The following DAB1 variants were observed in gnomAD, a reference collection of about 807,000 sequenced individuals.
DAB1 encodes DAB adaptor protein 1.
In DAB1, 15 loss-of-function variants were observed where a neutral mutation model predicts 64.6. That is an observed-to-expected ratio of 0.23 (90% confidence interval 0.16 to 0.36). The LOEUF is 0.36. Ranked by LOEUF, DAB1 falls within the 10% of genes least tolerant of loss-of-function variation. The probability of loss-of-function intolerance (pLI) is 1.00; values close to 1 mark genes in which losing one functional copy is unlikely to be tolerated. For missense variants in DAB1, 596 were observed against 706.7 expected (o/e 0.84, Z 1.78); for synonymous variants, 235 against 251.9 (o/e 0.93, Z 0.64).
Position 57,551,155 on chromosome 1 carries a change from C to T in DAB1, n.625+98437G>A, listed in dbSNP as rs563908157. On this transcript the variant is annotated intron_variant and non_coding_transcript_variant, in intron 7 of 20. Transcript: ENST00000485760. ...TTCGTCTTGACAATAGCACGTTCGT[C>T]TTGCACGCCACTAACATTATCTCCC... Among the ~76,000 whole-genome samples, 4 of 152,300 alleles carry T rather than the reference C, an allele frequency of 2.6e-5. No homozygotes were observed. The South Asian group carries it at 6.2e-4, about 24-fold the overall frequency.
intron 6 of DAB1, among the ~76,000 whole-genome samples, chr1:57,785,823 G>A (rs1484365844): frequency 6.6e-6 from 1 of 152,180 alleles, no homozygotes; most frequent in Non-Finnish European, 1.5e-5. Flanking sequence ...ACATAAACTT[G>A]ATTGATGAAG....
At chr1:58,534,406 T>C (rs1012709350) in intron 1 of DAB1, 3 of 669,356 alleles carry the variant, frequency 4.5e-6, no homozygotes, top group Non-Finnish European at 7.7e-6. Flanking sequence ...GAAAGTTATA[T>C]GGCTACTTAT....
intron 6 of DAB1, among the ~76,000 whole-genome samples, chr1:57,742,219 T>C (rs935154221): frequency 6.6e-6 from 1 of 152,200 alleles, no homozygotes; most frequent in African/African-American, 2.4e-5. Flanking sequence ...GCCTTGGAGA[T>C]GTGTCTTCTC....
intron 2 of DAB1, among the ~76,000 whole-genome samples, chr1:57,290,506 A>G (rs1221578418): frequency 6.6e-6 from 1 of 152,156 alleles, no homozygotes; most frequent in Non-Finnish European, 1.5e-5. Context: ...GCGATGATGA[A>G]CTACAGAATA....
intron 5 of DAB1, among the ~76,000 whole-genome samples, chr1:57,984,579 T>C (rs950232939): frequency 6.6e-5 from 10 of 152,232 alleles, no homozygotes; most frequent in Non-Finnish European, 1.3e-4. Flanking sequence ...TAATGAGATC[T>C]AGAATTTGGA....
chr1:57,502,825 A>C (rs1022808403), intron 7 of DAB1, among the ~76,000 whole-genome samples: 2 of 152,200 alleles, frequency 1.3e-5, no homozygotes, highest in Non-Finnish European at 2.9e-5. Flanking sequence ...GGAATGCTGA[A>C]ATTTACCCTT....
chr1:57,068,152 A>G (rs1274089214), intron 8 of DAB1, among the ~76,000 whole-genome samples: 4 of 150,892 alleles, frequency 2.7e-5, no homozygotes, highest in Non-Finnish European at 5.9e-5. Context: ...GCTTCCTTTT[A>G]TTTAAAAGGG....
chr1:57,435,747 C>T (rs1685670644), intron 7 of DAB1, among the ~76,000 whole-genome samples: 1 of 151,966 alleles, frequency 6.6e-6, no homozygotes, highest in Admixed American at 6.6e-5. Context: ...CTTGAAGGGC[C>T]TGCCTAAGGC....
chr1:57,682,582 A>G (rs2101699845), intron 6 of DAB1, among the ~76,000 whole-genome samples: 1 of 152,064 alleles, frequency 6.6e-6, no homozygotes, highest in African/African-American at 2.4e-5. Context: ...GGAGTGAATA[A>G]GGAGACCAAG....
chr1:57,740,223 A>G (rs1647920753), intron 6 of DAB1, among the ~76,000 whole-genome samples: 1 of 152,092 alleles, frequency 6.6e-6, no homozygotes, highest in South Asian at 2.1e-4. Context: ...CAAAAATAAT[A>G]ATATTTTAAA....
chr1:58,268,736 T>C (rs187396915), intron 4 of DAB1, among the ~76,000 whole-genome samples: 1 of 152,326 alleles, frequency 6.6e-6, no homozygotes, highest in Admixed American at 6.5e-5. Flanking sequence ...ATCACAATGA[T>C]AATTTTTGGG....
intron 5 of DAB1, among the ~76,000 whole-genome samples, chr1:58,057,965 C>T (rs2100544678): frequency 7.0e-6 from 1 of 143,714 alleles, no homozygotes; most frequent in Admixed American, 7.2e-5. Flanking sequence ...CCAAGTCTAG[C>T]TTAGGGAAGC....
intron 2 of DAB1, among the ~76,000 whole-genome samples, chr1:57,228,464 G>A (rs1380119794): frequency 6.6e-6 from 1 of 152,112 alleles, no homozygotes; most frequent in Non-Finnish European, 1.5e-5. Context: ...CAATAAACAT[G>A]AAAATAACCT....
At chr1:57,546,098 T>TGTGTGTGC (rs869270008) in intron 7 of DAB1, among the ~76,000 whole-genome samples, 7 of 139,532 alleles carry the variant, frequency 5.0e-5, no homozygotes, top group African/African-American at 2.0e-4. Flanking sequence ...TGTGTGTGTG[T>TGTGTGTGC]GCGCGCACGT....
intron 4 of DAB1, among the ~76,000 whole-genome samples, chr1:58,274,986 G>T (rs1284317077): frequency 6.6e-6 from 1 of 152,110 alleles, no homozygotes; most frequent in Admixed American, 6.5e-5. Flanking sequence ...CACGCTGGGA[G>T]CTGTAGACCG....
At chr1:58,090,908 C>G (rs1280344881) in intron 5 of DAB1, among the ~76,000 whole-genome samples, 3 of 152,184 alleles carry the variant, frequency 2.0e-5, no homozygotes, top group Non-Finnish European at 4.4e-5. Flanking sequence ...AGTACGAGTT[C>G]TCTAGGAAAG....
intron 4 of DAB1, among the ~76,000 whole-genome samples, chr1:58,164,450 T>C (rs1335434744): frequency 1.3e-5 from 2 of 152,208 alleles, no homozygotes; most frequent in African/African-American, 4.8e-5. Context: ...TGATCTGAAG[T>C]ATAGATGAGC....
intron 4 of DAB1, among the ~76,000 whole-genome samples, chr1:58,151,269 C>T (rs1325738313): frequency 6.6e-6 from 1 of 152,258 alleles, no homozygotes; most frequent in Non-Finnish European, 1.5e-5. Context: ...AATTGCCACA[C>T]TGTCTTCCAT....
chr1:57,956,172 G>A (rs746365003), intron 5 of DAB1, among the ~76,000 whole-genome samples: 1 of 152,178 alleles, frequency 6.6e-6, no homozygotes, highest in African/African-American at 2.4e-5. Flanking sequence ...AGATATATCT[G>A]TCAGGGTCCC....
Sources: gnomAD v4.1 joint callset for allele counts (sites outside exome capture counted in the v4.1 genomes callset) on GRCh38, gnomAD v4.1.1 for gene constraint, MANE v1.5 for transcripts, NCBI Gene and HGNC (gene_info 2026-07-23, HGNC 2026-07-21) for gene names.